The following ROBO1 variants were observed in gnomAD, a reference collection of about 807,000 sequenced individuals.
ROBO1 encodes roundabout guidance receptor 1.
A neutral mutation model predicts 195.9 loss-of-function variants in ROBO1; 149 were observed. The ratio of observed to expected loss-of-function variants is 0.76; its 90% CI spans 0.67 to 0.87. The LOEUF is 0.87. Among genes scored for constraint, ROBO1 ranks in the 40% least tolerant of loss-of-function variants. The probability of loss-of-function intolerance (pLI) is 0.00; values close to 1 mark genes in which losing one functional copy is unlikely to be tolerated. For missense variants in ROBO1, 1,933 were observed against 2,068.3 expected, an observed-to-expected ratio of 0.93 and a Z score of 1.27; for synonymous variants, 816 against 733.2, an observed-to-expected ratio of 1.11 and a Z score of -1.82.
intron 2 of ROBO1, 53 bp downstream of exon 2, chr3:79,589,771 A>G (rs1943939343): frequency 2.1e-6 from 3 of 1,397,932 alleles, no homozygotes; most frequent in Non-Finnish European, 3.0e-6. Context: ...GTGAATTTAA[A>G]GCAAAGAGGG....
chr3:79,719,404 T>C lies in ROBO1; in HGVS notation c.-51+48348A>G, dbSNP rs1162314015. On this transcript the variant is annotated intron_variant, in intron 1 of 30. Transcript: ENST00000464233. ...TGAACCATATATAATTATTCTGAGA[T>C]ATTTACCCATGCAATAATATATCAA... Among the ~76,000 whole-genome samples, 4 of 152,258 alleles carry C rather than the reference T, an allele frequency of 2.6e-5. No individual in the cohort carries two copies. The South Asian group carries it at 6.2e-4, about 24-fold the overall frequency.
At chr3:79,529,958 T>C (rs902172988) in intron 2 of ROBO1, among the ~76,000 whole-genome samples, 7 of 152,208 alleles carry the variant, frequency 4.6e-5, no homozygotes, top group African/African-American at 1.7e-4. Context: ...ACAAATTCTG[T>C]TGTTAACCTT....
At chr3:78,815,619 C>T (rs2084876364) in intron 4 of ROBO1, among the ~76,000 whole-genome samples, 1 of 8,994 alleles carries the variant, frequency 1.1e-4, no homozygotes, top group Non-Finnish European at 0.013. Context: ...GTCTCTAGAA[C>T]TTGAGAGCAA....
At chr3:79,076,769 C>G (rs1374101020) in intron 3 of ROBO1, among the ~76,000 whole-genome samples, 3 of 151,760 alleles carry the variant, frequency 2.0e-5, no homozygotes, top group Non-Finnish European at 4.4e-5. Context: ...AAATAAGAGA[C>G]AGTGATTCCC....
rs775923359 is a variant in ROBO1, at chr3:79,317,535, T to C, written c.89-191996A>G. Among the ~76,000 whole-genome samples, 3 of 152,298 alleles carry C rather than the reference T, an allele frequency of 2.0e-5. 1 individual carries two copies. Among genetic ancestry groups the C allele is most frequent in the Middle Eastern group, 6.8e-3 (2 of 294 alleles). ...CTACAGGATAAAATGAAAAAAAATA[T>C]TTTTTATTTATTTGGCATGTACGGC... On this transcript the variant is annotated intron_variant, in intron 2 of 30. Coordinates refer to ENST00000464233, the MANE Select transcript of ROBO1 (RefSeq NM_002941.4).
chr3:79,490,100 G>A (rs191379233), intron 2 of ROBO1, among the ~76,000 whole-genome samples: 9 of 152,164 alleles, frequency 5.9e-5, no homozygotes, highest in African/African-American at 1.4e-4. Context: ...TAAATTCCTC[G>A]TCTCTGTACT....
rs565720802 is a variant in ROBO1 at position 79,366,633 on chromosome 3, G to A, written c.88+223191C>T. Among the ~76,000 whole-genome samples the A allele has an allele frequency of 9.6e-4, 146 of 152,170 alleles. 1 individual carries two copies. The highest frequency in any genetic ancestry group is 6.2e-3 in the South Asian group (30 of 4,824). On this transcript the variant is annotated intron_variant, in intron 2 of 30. Transcript: ENST00000464233. ...ACTCCAAATAGAATGCCCAGCACTT[G>A]GCCGGCACAACACAGGGCACATAAC... is the stretch of plus-strand genomic sequence containing the variant.
intron 2 of ROBO1, among the ~76,000 whole-genome samples, chr3:79,133,473 C>T (rs2080331740): frequency 9.0e-6 from 1 of 110,954 alleles, no homozygotes; most frequent in East Asian, 2.8e-4. Flanking sequence ...CAGTTGATCG[C>T]ATCGGCTCCT....
chr3:79,607,808 C>G (rs1456916947), intron 1 of ROBO1, among the ~76,000 whole-genome samples: 2 of 151,942 alleles, frequency 1.3e-5, no homozygotes, highest in South Asian at 2.1e-4. Flanking sequence ...AATGCATACT[C>G]ACGTGCGTGG....
chr3:79,681,803 C>T (rs1188077977), intron 1 of ROBO1, among the ~76,000 whole-genome samples: 1 of 151,832 alleles, frequency 6.6e-6, no homozygotes, highest in Non-Finnish European at 1.5e-5. Flanking sequence ...TCACAGACAA[C>T]AAAACAGACA....
chr3:79,376,953 A>G (rs2036406695), intron 2 of ROBO1, among the ~76,000 whole-genome samples: 1 of 152,180 alleles, frequency 6.6e-6, no homozygotes, highest in Non-Finnish European at 1.5e-5. Context: ...ATAACAATAG[A>G]AACACATACA....
rs1029719330 is a variant in ROBO1 at position 78,639,792 on chromosome 3, C to T, written c.2989G>A (p.Ala997Thr). The T allele has an allele frequency of 6.2e-7, 1 of 1,613,330 alleles. No homozygotes were observed. The highest frequency in any genetic ancestry group is 1.3e-5 in the African/African-American group (1 of 74,894). Residue 997 changes from alanine (A) to threonine (T), a missense_variant, in exon 22 of 31, where the codon GCA (alanine) becomes ACA (threonine). By Grantham distance (58) the Ala-to-Thr change is moderately conservative. Transcript: ENST00000464233. ...TTGCTGTCGCTGTTTCCATTGCCTG[C>T]CGTGCAGCAGCTGATGGAGCAGTCA... ...HNDCSISCCTAGNGNSDSNLT... is the reference protein window; with the variant it reads ...HNDCSISCCTTGNGNSDSNLT...
intron 2 of ROBO1, among the ~76,000 whole-genome samples, chr3:79,429,395 A>T (rs996650327): frequency 3.3e-5 from 5 of 152,238 alleles, no homozygotes; most frequent in East Asian, 1.9e-4. Flanking sequence ...TCCAGGGTCC[A>T]CAAGTCTTCA....
chr3:79,372,169 C>A (rs1373950692), intron 2 of ROBO1, among the ~76,000 whole-genome samples: 1 of 151,534 alleles, frequency 6.6e-6, no homozygotes, highest in Non-Finnish European at 1.5e-5. Context: ...CACCAGTCCA[C>A]AGCCAGGGTG....
chr3:78,692,082 TATC>T (rs1364500139), intron 8 of ROBO1, among the ~76,000 whole-genome samples: 5 of 151,790 alleles, frequency 3.3e-5, no homozygotes, highest in Middle Eastern at 3.5e-3. Context: ...TCAACTCAGT[TATC>T]ATCCTGTGCT....
chr3:79,668,654 T>A (rs1946541850), intron 1 of ROBO1, among the ~76,000 whole-genome samples: 1 of 151,050 alleles, frequency 6.6e-6, no homozygotes, highest in African/African-American at 2.4e-5. Flanking sequence ...CTCAAAGAAA[T>A]CTAAGCAATT....
intron 30 of ROBO1, among the ~76,000 whole-genome samples, chr3:78,599,632 TGGGG>T (rs1703051431): frequency 6.6e-6 from 1 of 151,972 alleles, no homozygotes; most frequent in South Asian, 2.1e-4. Flanking sequence ...TTCCTCCAAC[TGGGG>T]AGGTCAGTGT....
At chr3:79,018,984 C>T (rs901035918) in intron 3 of ROBO1, 77 of 989,908 alleles carry the variant, frequency 7.8e-5, no homozygotes, top group Non-Finnish European at 9.1e-5. Flanking sequence ...GTAGAAGCAG[C>T]AGCTCCGGAG....
At chr3:79,262,572 T>C (rs575370983) in intron 2 of ROBO1, among the ~76,000 whole-genome samples, 1 of 152,038 alleles carries the variant, frequency 6.6e-6, no homozygotes, top group Non-Finnish European at 1.5e-5. Flanking sequence ...AAGTATAAAC[T>C]TGGATTGAAG....
Sources: gnomAD v4.1 joint callset for allele counts (sites outside exome capture counted in the v4.1 genomes callset) on GRCh38, gnomAD v4.1.1 for gene constraint, MANE v1.5 for transcripts, NCBI Gene and HGNC (gene_info 2026-07-23, HGNC 2026-07-21) for gene names.